The following HHIP variants were observed in gnomAD, a reference collection of about 807,000 sequenced individuals.
HHIP encodes the protein hedgehog interacting protein.
HHIP carries 12 observed loss-of-function variants against 74.0 expected under a neutral mutation model. The observed-to-expected ratio is 0.16, with a 90% CI of 0.10 to 0.26. The LOEUF (loss-of-function observed/expected upper bound fraction) is 0.26, where lower values mean the gene tolerates loss of function less well. HHIP is among the 10% of genes least tolerant of loss of function. The pLI is 1.00. For missense variants in HHIP, 788 were observed against 845.0 expected, an observed-to-expected ratio of 0.93 and a Z score of 0.84; for synonymous variants, 309 against 311.6, an observed-to-expected ratio of 0.99 and a Z score of 0.09.
chr4:144,702,982 C>T (rs1277958405), intron 4 of HHIP, among the ~76,000 whole-genome samples: 4 of 152,112 alleles, frequency 2.6e-5, no homozygotes, highest in South Asian at 2.1e-4. Context: ...TTTGGGAGGC[C>T]GAGGAGGGCG....
chr4:144,736,969 A>G (rs1194935012), intron 12 of HHIP, among the ~76,000 whole-genome samples: 2 of 152,226 alleles, frequency 1.3e-5, no homozygotes, highest in Non-Finnish European at 2.9e-5. Context: ...AATGTATTGA[A>G]GGAATTTGAC....
In HHIP at chr4:144,701,385, CTT is replaced by C. The variant is rs1729981281; in HGVS notation, c.832-5144_832-5143del. Among the ~76,000 whole-genome samples the C allele has an allele frequency of 2.7e-5, 4 of 146,142 alleles. No individual in the cohort carries two copies. The Admixed American group carries it at 2.8e-4, about 10-fold the overall frequency. On this transcript the variant is annotated intron_variant, in intron 4 of 12. Transcript: ENST00000296575. The stretch of plus-strand genomic sequence containing the variant: ...CTCAGGTGCCAATATATAAATTAAT[CTT>C]TGTGTCAGAAGTTACCAAAAGTATT...
At position 144,744,391 on chromosome 4, in the gene HHIP, T is replaced by TCC. The variant is rs1450828938; in HGVS notation, c.*6434_*6435insCC. The TCC allele has an allele frequency of 6.6e-6, 1 of 152,212 alleles. No individual in the cohort carries two copies. Among genetic ancestry groups the TCC allele is most frequent in the Non-Finnish European group, 1.5e-5 (1 of 68,030 alleles). 9.4% of individuals were successfully genotyped at this position (152,212 alleles called of 1,614,324 possible). Reference sequence around the variant, plus strand: ...GGTTTCTCTAATGGTTCATTTTCCTTTAGCTTGTGAAAATTAGGGCAGTTT... The same window carrying TCC: ...GGTTTCTCTAATGGTTCATTTTCCTTCCTAGCTTGTGAAAATTAGGGCAGTTT... On this transcript the variant is annotated 3_prime_UTR_variant, in exon 13 of 13. Coordinates refer to ENST00000296575, the MANE Select transcript of HHIP (RefSeq NM_022475.3).
chr4:144,718,245 A>C (rs1730518415), intron 10 of HHIP, among the ~76,000 whole-genome samples: 1 of 152,154 alleles, frequency 6.6e-6, no homozygotes, highest in Admixed American at 6.5e-5. Context: ...TACAGCCTTG[A>C]AGAAGGGGGG....
intron 7 of HHIP, among the ~76,000 whole-genome samples, chr4:144,710,768 G>A (rs1447174934): frequency 5.3e-5 from 8 of 152,150 alleles, no homozygotes; most frequent in Non-Finnish European, 1.0e-4. Flanking sequence ...CAGAGATGCT[G>A]CTAAACACCC....
At chr4:144,658,978 TA>T (rs1188310722) in intron 3 of HHIP, 32 bp downstream of exon 3, 3 of 1,544,638 alleles carry the variant, frequency 1.9e-6, no homozygotes, top group Non-Finnish European at 1.8e-6. Context: ...TTAATCTTTT[TA>T]AAAAAACCCA....
At chr4:144,714,577 G>A (rs554485473) in intron 9 of HHIP, among the ~76,000 whole-genome samples, 11 of 152,214 alleles carry the variant, frequency 7.2e-5, no homozygotes, top group African/African-American at 2.6e-4. Flanking sequence ...TAATTTTTAA[G>A]GGCACAGAAG....
chr4:144,679,078 G>A (rs981776894), intron 4 of HHIP, among the ~76,000 whole-genome samples: 4 of 152,082 alleles, frequency 2.6e-5, no homozygotes, highest in Non-Finnish European at 4.4e-5. Context: ...TTTTCTAACT[G>A]GCGTGAGATG....
rs200566587 is a variant in HHIP at position 144,734,818 on chromosome 4, G to A, written c.1838G>A (p.Arg613Gln). The A allele has an allele frequency of 2.7e-5, 43 of 1,612,960 alleles. No individual in the cohort carries two copies. The highest frequency in any genetic ancestry group is 3.5e-5 in the Non-Finnish European group (41 of 1,179,222). The change falls in exon 12 of 13, where the codon CGA becomes CAA. Residue 613 changes from arginine to glutamine, a missense_variant. Physicochemically the swap from Arg to Gln is conservative, Grantham distance 43. Coordinates refer to ENST00000296575, the MANE Select transcript of HHIP (RefSeq NM_022475.3). ...ACTTCAGAGTGCTCCAGGCTCTGTC[G>A]AAACGGCTACTGCACCCCCACGGGA... ...TLTSECSRLC[R>Q]NGYCTPTGKC...
intron 6 of HHIP, 23 bp downstream of exon 6, chr4:144,707,283 G>C (rs1181642659): frequency 6.4e-7 from 1 of 1,561,264 alleles, no homozygotes; most frequent in African/African-American, 1.4e-5. Flanking sequence ...TCACAGATGG[G>C]TTCCTCTCAA....
chr4:144,726,334 C>T (rs1006308935), intron 11 of HHIP, among the ~76,000 whole-genome samples: 1 of 152,018 alleles, frequency 6.6e-6, no homozygotes, highest in African/African-American at 2.4e-5. Flanking sequence ...TTTAATGTCT[C>T]CTGTGTTCAG....
intron 7 of HHIP, among the ~76,000 whole-genome samples, chr4:144,710,246 A>C (rs1730255961): frequency 6.6e-6 from 1 of 152,206 alleles, no homozygotes. Flanking sequence ...TCTTCAAAGA[A>C]AGGTAATAGA....
At chr4:144,692,949 C>A (rs536753897) in intron 4 of HHIP, among the ~76,000 whole-genome samples, 2 of 152,168 alleles carry the variant, frequency 1.3e-5, no homozygotes, top group East Asian at 1.9e-4. Context: ...CTCTTAAACA[C>A]CATGCTATGA....
chr4:144,724,835 A>G (rs1336086438), intron 11 of HHIP, among the ~76,000 whole-genome samples: 1 of 151,676 alleles, frequency 6.6e-6, no homozygotes, highest in Non-Finnish European at 1.5e-5. Context: ...GATACTTAGA[A>G]TATCATCTTC....
intron 4 of HHIP, among the ~76,000 whole-genome samples, chr4:144,664,474 G>A (rs1393249943): frequency 6.6e-6 from 1 of 152,226 alleles, no homozygotes; most frequent in Non-Finnish European, 1.5e-5. Flanking sequence ...TCTGAACTTT[G>A]TCAAACCTTT....
At position 144,711,945 on chromosome 4, in the gene HHIP, T is replaced by C. The variant is rs369514208; in HGVS notation, c.1302-5T>C. On this transcript the variant is annotated splice_polypyrimidine_tract_variant and splice_region_variant and intron_variant, in intron 7 of 12. Transcript: ENST00000296575. ...AATTAATGTGTATCCCCTCTTGTTA[T>C]GCAGATGTGCTGTGGATAGACATCC... is the stretch of plus-strand genomic sequence containing the variant. 3.7e-6 allele frequency: 6 copies of C among 1,611,580 alleles called. No individual in the cohort carries two copies. The African/African-American group carries it at 4.0e-5, about 11-fold the overall frequency.
At chr4:144,669,331 A>T (rs1354937425) in intron 4 of HHIP, among the ~76,000 whole-genome samples, 4 of 152,348 alleles carry the variant, frequency 2.6e-5, no homozygotes, top group Admixed American at 6.5e-5. Flanking sequence ...TAAATCACGT[A>T]ACTTTCTATC....
rs1471873629 is a variant in HHIP, at chr4:144,741,675, C to G, written c.*3718C>G. 1 of 152,146 alleles carries G rather than the reference C, an allele frequency of 6.6e-6. No individual in the cohort carries two copies. Among genetic ancestry groups the G allele is most frequent in the African/African-American group, 2.4e-5 (1 of 41,430 alleles). The allele number at this position is 152,146 out of a possible 1,614,324, so 9.4% of individuals were successfully genotyped here. The stretch of plus-strand genomic sequence containing the variant: ...AGGATTACAGGCGTGAGCCACCATG[C>G]CCAGCTTCCATTTGCTTTTGATATT... On this transcript the variant is annotated 3_prime_UTR_variant, in exon 13 of 13. Coordinates refer to ENST00000296575, the MANE Select transcript of HHIP (RefSeq NM_022475.3).
chr4:144,648,667 T>G (rs1728338090), intron 1 of HHIP: 1 of 152,154 alleles, frequency 6.6e-6, no homozygotes, highest in Non-Finnish European at 1.5e-5. Flanking sequence ...GTGCAATACG[T>G]ACTATGAATA....
Sources: allele counts gnomAD v4.1 joint callset (sites outside exome capture counted in the v4.1 genomes callset), GRCh38; gene constraint gnomAD v4.1.1; transcripts MANE v1.5; gene names NCBI Gene and HGNC (gene_info 2026-07-23, HGNC 2026-07-21).